Variants in ATXN2 observed in about 807,000 individuals in gnomAD.
ATXN2 encodes ataxin-2.
ATXN2 carries 37 observed loss-of-function variants against 138.6 expected under a neutral mutation model. The ratio of observed to expected loss-of-function variants is 0.27; its 90% CI spans 0.21 to 0.35. ATXN2 has a LOEUF of 0.35. Ranked by LOEUF, ATXN2 falls within the 10% of genes least tolerant of loss-of-function variation. The pLI is 1.00. For synonymous variants in ATXN2, 549 were observed against 543.7 expected (o/e 1.01, Z -0.13); for missense variants, 1,216 against 1,480.3 (o/e 0.82, Z 2.93).
In ATXN2 at chr12:111,552,153, T is replaced by C; in HGVS notation, c.571+127A>G. ...GCCTCAGCCTCCCTAAGTGCTAAGA[T>C]TACAGGAATGAGCCGCCATACCCAG... is the stretch of plus-strand genomic sequence containing the variant. On this transcript the variant is annotated intron_variant, in intron 5 of 24. Coordinates refer to ENST00000673436, the MANE Select transcript of ATXN2 (RefSeq NM_001372574.1). This position sits in a 1 kb window ranked among gnomAD's most constrained non-coding sequence, Gnocchi z 4.1. 2 of 1,031,088 alleles carry C rather than the reference T, an allele frequency of 1.9e-6. No individual in the cohort carries two copies. The highest frequency in any genetic ancestry group is 1.9e-5 in the South Asian group (1 of 53,430). 63.9% of individuals were successfully genotyped at this position (1,031,088 alleles called of 1,614,324 possible).
intron 1 of ATXN2, among the ~76,000 whole-genome samples, chr12:111,581,135 CAAA>C (rs1016431358): frequency 2.1e-3 from 121 of 57,888 alleles, no homozygotes; most frequent in African/African-American, 4.9e-3. Context: ...GACTCCATCT[CAAA>C]AAAAAAAAAA....
chr12:111,538,303 C>T (rs1199063986), intron 5 of ATXN2, among the ~76,000 whole-genome samples: 2 of 151,928 alleles, frequency 1.3e-5, no homozygotes, highest in Non-Finnish European at 2.9e-5. Flanking sequence ...AGTTAAAATT[C>T]AAGGGAAAAC....
chr12:111,470,039 G>T, intron 20 of ATXN2, 69 bp downstream of exon 20: 1 of 1,493,478 alleles, frequency 6.7e-7, no homozygotes, highest in Non-Finnish European at 9.1e-7. Context: ...CTTAGATAGA[G>T]TATGTTTTCA....
rs1884735668 is a variant in ATXN2, at chr12:111,592,782, C to CAAAAAAAGAAAAAAAA, written c.251+6001_251+6002insTTTTTTTTCTTTTTTT. Among the ~76,000 whole-genome samples the CAAAAAAAGAAAAAAAA allele has an allele frequency of 1.6e-3, 42 of 26,020 alleles. 5 individuals are homozygous for CAAAAAAAGAAAAAAAA. Among genetic ancestry groups the CAAAAAAAGAAAAAAAA allele is most frequent in the Non-Finnish European group, 3.0e-3 (36 of 12,080 alleles). 17.1% of individuals were successfully genotyped at this position (26,020 alleles called of 152,430 possible). ...TGGGCGACAGAGCAAGACTCCGTCT[C>CAAAAAAAGAAAAAAAA]AAAAAAAAAAAAAAAAAAAAAAGAT... On this transcript the variant is annotated intron_variant, in intron 1 of 24. Coordinates refer to ENST00000673436, the MANE Select transcript of ATXN2 (RefSeq NM_001372574.1).
At chr12:111,481,430 T>C (rs1367981003) in intron 18 of ATXN2, among the ~76,000 whole-genome samples, 1 of 151,950 alleles carries the variant, frequency 6.6e-6, no homozygotes, top group Non-Finnish European at 1.5e-5. Flanking sequence ...GGGCACGATC[T>C]CAAAACAATA....
chr12:111,485,990 C>G, intron 16 of ATXN2, 125 bp from the exon 17 acceptor site: 1 of 805,622 alleles, frequency 1.2e-6, no homozygotes. Context: ...TTATTGAAAA[C>G]AAAAACACAG....
At chr12:111,556,218 A>T (rs1882381362) in intron 1 of ATXN2, among the ~76,000 whole-genome samples, 1 of 152,142 alleles carries the variant, frequency 6.6e-6, no homozygotes, top group African/African-American at 2.4e-5. Context: ...CTAAACGTAA[A>T]TTAATAATAA....
intron 6 of ATXN2, among the ~76,000 whole-genome samples, chr12:111,522,978 A>T (rs1880267124): frequency 7.0e-6 from 1 of 143,762 alleles, no homozygotes; most frequent in South Asian, 2.2e-4. Context: ...ACAGCTCTTT[A>T]AAAAAAAAAA....
chr12:111,530,137 T>A (rs764733235), intron 5 of ATXN2, among the ~76,000 whole-genome samples: 1 of 152,210 alleles, frequency 6.6e-6, no homozygotes, highest in Non-Finnish European at 1.5e-5. Flanking sequence ...ATCTATATAC[T>A]ATATAAAGTA....
Position 111,510,508 on chromosome 12 carries a change from G to A in ATXN2, c.1633C>T (p.Pro545Ser), listed in dbSNP as rs1293553729. Residue 545 changes from proline to serine, a missense_variant, in exon 12 of 25, where the codon CCA (proline) becomes TCA (serine). Pro to Ser is a moderately conservative substitution (Grantham distance 74, BLOSUM62 -1). Around this residue, in one of 4 missense-constraint regions of ATXN2, gnomAD observed 215 missense variants for 210.0 expected, o/e 1.02. Transcript: ENST00000673436. ...QNSIGNTPSG[P>S]VLASPQAGII... is the part of the protein sequence containing the mutation. ...CCAGCTTGGGGAGAAGCAAGAACTG[G>A]CCCACTGGGGGTATTTCCAATACTG... The A allele has an allele frequency of 6.2e-7, 1 of 1,613,956 alleles. No homozygotes were observed. The highest frequency in any genetic ancestry group is 1.1e-5 in the South Asian group (1 of 91,074).
Position 111,548,795 on chromosome 12 carries a change from C to T in ATXN2, c.571+3485G>A, listed in dbSNP as rs183770663. Reference sequence around the variant, plus strand: ...AGGCTGGAGTGCAGTGGCATGATCTCGCAATCTCTGCCTCCCGGGTTCAAG... The same window carrying T: ...AGGCTGGAGTGCAGTGGCATGATCTTGCAATCTCTGCCTCCCGGGTTCAAG... On this transcript the variant is annotated intron_variant, in intron 5 of 24. Transcript: ENST00000673436. 1.0e-3 allele frequency among the ~76,000 whole-genome samples: 159 copies of T among 152,198 alleles called. 2 individuals carry two copies. Among genetic ancestry groups the T allele is most frequent in the Middle Eastern group, 3.4e-3 (1 of 294 alleles).
At position 111,552,414 on chromosome 12, in the gene ATXN2, T is replaced by G; in HGVS notation, c.437A>C (p.Asp146Ala). ...TTCTGTACTTTTCTCATGTGCGGCA[T>G]CAAGTACCAAATCACACTAAAATGA... ...TYSPKCDLVL[D>A]AAHEKSTESS... Residue 146 changes from aspartate (D) to alanine (A), a missense_variant, in exon 5 of 25, where the codon GAT (aspartate) becomes GCT (alanine). Coordinates refer to ENST00000673436, the MANE Select transcript of ATXN2 (RefSeq NM_001372574.1). This position sits in a 1 kb window ranked among gnomAD's most constrained non-coding sequence, Gnocchi z 4.1. 1 of 1,610,794 alleles carries G rather than the reference T, an allele frequency of 6.2e-7. No individual in the cohort carries two copies. Among genetic ancestry groups the G allele is most frequent in the Non-Finnish European group, 8.5e-7 (1 of 1,179,152 alleles).
At chr12:111,561,378 C>T in intron 1 of ATXN2, among the ~76,000 whole-genome samples, 1 of 151,548 alleles carries the variant, frequency 6.6e-6, no homozygotes, top group East Asian at 1.9e-4. Context: ...CCTATAATCC[C>T]AACTATTCAG....
chr12:111,590,482 C>T (rs1884597936), intron 1 of ATXN2, among the ~76,000 whole-genome samples: 2 of 151,848 alleles, frequency 1.3e-5, no homozygotes, highest in South Asian at 2.1e-4. Context: ...GTCAGGAGAT[C>T]GACACCATCC....
intron 14 of ATXN2, among the ~76,000 whole-genome samples, chr12:111,494,138 T>A (rs985716307): frequency 6.6e-6 from 1 of 151,644 alleles, no homozygotes; most frequent in Admixed American, 6.6e-5. Context: ...CCATATTGGC[T>A]AGGCTGGTCT....
chr12:111,592,782 C>CAAAAAAAAAAAAAAAAAAAAAA lies in ATXN2; in HGVS notation c.251+5980_251+6001dup. Among the ~76,000 whole-genome samples the CAAAAAAAAAAAAAAAAAAAAAA allele has an allele frequency of 2.8e-3, 72 of 26,016 alleles. 5 individuals carry two copies. The highest frequency in any genetic ancestry group is 3.6e-3 in the Non-Finnish European group (43 of 12,070). 17.1% of individuals were successfully genotyped at this position (26,016 alleles called of 152,430 possible). On this transcript the variant is annotated intron_variant, in intron 1 of 24. Transcript: ENST00000673436. The stretch of plus-strand genomic sequence containing the variant: ...TGGGCGACAGAGCAAGACTCCGTCT[C>CAAAAAAAAAAAAAAAAAAAAAA]AAAAAAAAAAAAAAAAAAAAAAGAT...
chr12:111,598,285 G>T lies in ATXN2; in HGVS notation c.251+499C>A. 1.0e-6 allele frequency: 1 copy of T among 1,003,810 alleles called. No individual in the cohort carries two copies. The highest frequency in any genetic ancestry group is 1.2e-6 in the Non-Finnish European group (1 of 840,622). The allele number at this position is 1,003,810 out of a possible 1,614,324, so 62.2% of individuals were successfully genotyped here. On this transcript the variant is annotated intron_variant, in intron 1 of 24. Coordinates refer to ENST00000673436, the MANE Select transcript of ATXN2 (RefSeq NM_001372574.1). This position sits in a 1 kb window ranked among gnomAD's most constrained non-coding sequence, Gnocchi z 4.5. The stretch of plus-strand genomic sequence containing the variant: ...AGCCCGGTGCCTACCCCTTTAACCG[G>T]CACGGGGGACGCGGCCCTAACTTCT...
At chr12:111,599,558 G>T (rs1885165895), upstream of ATXN2, 24 of 1,172,910 alleles carry the variant, frequency 2.0e-5, no homozygotes, top group Non-Finnish European at 2.5e-5. Flanking sequence ...GCGGAGGTGC[G>T]GATAGGGACT....
At chr12:111,568,327 C>T (rs571645961) in intron 1 of ATXN2, among the ~76,000 whole-genome samples, 4 of 151,982 alleles carry the variant, frequency 2.6e-5, no homozygotes, top group South Asian at 4.2e-4. Flanking sequence ...TTGGTACTGT[C>T]ACCATACAAT....
Sources: gnomAD v4.1 joint callset for allele counts (sites outside exome capture counted in the v4.1 genomes callset) on GRCh38, gnomAD v4.1.1 for gene constraint, gnomAD v4.1.1 regional missense constraint, Gnocchi (gnomAD v3.1) non-coding constraint, MANE v1.5 for transcripts, NCBI Gene and HGNC (gene_info 2026-07-23, HGNC 2026-07-21) for gene names.